The following TBC1D12 variants were observed in gnomAD, a reference collection of about 807,000 sequenced individuals.
TBC1D12 encodes the protein TBC1 domain family, member 12.
A neutral mutation model predicts 86.7 loss-of-function variants in TBC1D12; 56 were observed. The ratio of observed to expected loss-of-function variants is 0.65; its 90% CI spans 0.52 to 0.81. The LOEUF (loss-of-function observed/expected upper bound fraction) is 0.81. TBC1D12 is among the 30% of genes least tolerant of loss of function. The pLI, the probability that TBC1D12 is intolerant of heterozygous loss-of-function variation, is 0.00. For synonymous variants in TBC1D12, 421 were observed against 411.7 expected (o/e 1.02, Z -0.27); for missense variants, 1,023 against 1,038.8 (o/e 0.98, Z 0.21).
chr10:94,507,699 T>C (rs2134201118), intron 7 of TBC1D12, among the ~76,000 whole-genome samples: 1 of 152,166 alleles, frequency 6.6e-6, no homozygotes, highest in South Asian at 2.1e-4. Flanking sequence ...CAATAATAAA[T>C]GGTGAGGCTG....
intron 4 of TBC1D12, among the ~76,000 whole-genome samples, chr10:94,494,350 G>A (rs1323270567): frequency 6.6e-6 from 1 of 152,114 alleles, no homozygotes; most frequent in East Asian, 1.9e-4. Context: ...TTAATGGACT[G>A]TTATAATAGT....
intron 3 of TBC1D12, among the ~76,000 whole-genome samples, chr10:94,488,868 C>T (rs985464811): frequency 2.6e-5 from 4 of 152,042 alleles, no homozygotes; most frequent in Non-Finnish European, 5.9e-5. Flanking sequence ...GAGCTGGTAT[C>T]TAAGATGCAA....
intron 1 of TBC1D12, among the ~76,000 whole-genome samples, chr10:94,440,841 A>G (rs1234433045): frequency 6.6e-6 from 1 of 152,152 alleles, no homozygotes; most frequent in African/African-American, 2.4e-5. Flanking sequence ...TTGGTTGGTT[A>G]GGGCATGGAG....
At chr10:94,510,264 A>T in intron 8 of TBC1D12, 85 bp downstream of exon 8, 2 of 965,442 alleles carry the variant, frequency 2.1e-6, no homozygotes, top group Non-Finnish European at 3.0e-6. Flanking sequence ...AATAGCTATT[A>T]CTTTAAAAAA....
At chr10:94,423,595 G>T (rs192345891) in intron 1 of TBC1D12, among the ~76,000 whole-genome samples, 1 of 151,964 alleles carries the variant, frequency 6.6e-6, no homozygotes, top group Non-Finnish European at 1.5e-5. Context: ...TGGTCTGCCT[G>T]CCTCAGCCTC....
chr10:94,418,123 C>T (rs1038194394), intron 1 of TBC1D12, among the ~76,000 whole-genome samples: 9 of 152,108 alleles, frequency 5.9e-5, no homozygotes, highest in Admixed American at 2.6e-4. Context: ...CATTTTTTTA[C>T]CTCTGTGTAG....
At chr10:94,417,913 T>A (rs983493298) in intron 1 of TBC1D12, among the ~76,000 whole-genome samples, 33 of 152,146 alleles carry the variant, frequency 2.2e-4, no homozygotes, top group Non-Finnish European at 2.2e-4. Context: ...CACGGCTGCC[T>A]AATTATTTTT....
intron 2 of TBC1D12, among the ~76,000 whole-genome samples, chr10:94,474,345 A>G (rs1488259320): frequency 2.6e-5 from 4 of 152,202 alleles, no homozygotes; most frequent in South Asian, 4.2e-4. Context: ...AAACAAAAAA[A>G]AAAACAACTT....
chr10:94,521,358 T>C (rs1158799118), intron 9 of TBC1D12, among the ~76,000 whole-genome samples: 1 of 152,108 alleles, frequency 6.6e-6, no homozygotes, highest in East Asian at 1.9e-4. Context: ...CATCCTACCT[T>C]CTCTAAATGC....
chr10:94,511,756 A>G (rs957930923), intron 9 of TBC1D12, 102 bp downstream of exon 9: 3 of 826,846 alleles, frequency 3.6e-6, no homozygotes, highest in African/African-American at 1.7e-5. Context: ...CTGTATTTCT[A>G]TGTCTGTTTT....
intron 11 of TBC1D12, among the ~76,000 whole-genome samples, chr10:94,525,498 G>C (rs1842264315): frequency 6.6e-6 from 1 of 151,592 alleles, no homozygotes; most frequent in African/African-American, 2.4e-5. Flanking sequence ...CAGCCACTCG[G>C]GAGGCTGAGG....
chr10:94,498,683 T>A lies in TBC1D12; in HGVS notation c.1412+1511T>A, dbSNP rs759374621. On this transcript the variant is annotated intron_variant, in intron 5 of 12. Transcript: ENST00000225235. ...ATTGGCCAGGCTAGTCTCAAACTCCTGGCCTCAAGTGATCAGCCTGCCTTG... is the reference window on the plus strand; with the variant it reads ...ATTGGCCAGGCTAGTCTCAAACTCCAGGCCTCAAGTGATCAGCCTGCCTTG... 2.6e-5 allele frequency among the ~76,000 whole-genome samples: 4 copies of A among 152,298 alleles called. No individual in the cohort carries two copies. The East Asian group carries it at 7.7e-4, about 29-fold the overall frequency.
At position 94,507,253 on chromosome 10, in the gene TBC1D12, C is replaced by A; in HGVS notation, c.1520-14C>A. 6.3e-7 allele frequency: 1 copy of A among 1,597,828 alleles called. No individual in the cohort carries two copies. Among genetic ancestry groups the A allele is most frequent in the African/African-American group, 1.4e-5 (1 of 73,732 alleles). ...CTATTATTCATACATTTTTGTTCTC[C>A]CCCCAACCCCCAGAACTTTATGAAA... On this transcript the variant is annotated splice_polypyrimidine_tract_variant and intron_variant, in intron 6 of 12. Transcript: ENST00000225235.
At position 94,465,783 on chromosome 10, in the gene TBC1D12, C is replaced by CAT. The variant is rs1271321195; in HGVS notation, c.1096-8883_1096-8882dup. Among the ~76,000 whole-genome samples, 3 of 149,154 alleles carry CAT rather than the reference C, an allele frequency of 2.0e-5. No homozygotes were observed. In the East Asian group the frequency reaches 5.9e-4, roughly 29 times the overall value. On this transcript the variant is annotated intron_variant, in intron 2 of 12. Transcript: ENST00000225235. ...ACATACATACGTATACGCATACATA[C>CAT]ATACATATACGCATACATACATATA...
rs896598165 is a variant in TBC1D12 at position 94,535,241 on chromosome 10, C to T, written c.*2145C>T. ...TCTGATTGACAGAGATCTCTGATCT[C>T]TAATGACATATTGCTATTGTCCTAT... On this transcript the variant is annotated 3_prime_UTR_variant, in exon 13 of 13. Coordinates refer to ENST00000225235, the MANE Select transcript of TBC1D12 (RefSeq NM_015188.2). 6.6e-6 allele frequency: 1 copy of T among 152,122 alleles called. No individual in the cohort carries two copies. The highest frequency in any genetic ancestry group is 6.6e-5 in the Admixed American group (1 of 15,266). The allele number at this position is 152,122 out of a possible 1,614,324, so 9.4% of individuals were successfully genotyped here. A position where few individuals can be genotyped will look rare whatever the true frequency, so the allele number is the denominator to read the frequency against.
chr10:94,500,255 C>A lies in TBC1D12; in HGVS notation c.1447C>A (p.Gln483Lys). 1.9e-6 allele frequency: 3 copies of A among 1,613,978 alleles called. No individual in the cohort carries two copies. In the East Asian group the frequency reaches 6.7e-5, roughly 36 times the overall value. Residue 483 changes from glutamine (Q) to lysine (K), a missense_variant, in exon 6 of 13, where the codon CAG (glutamine) becomes AAG (lysine). Gln to Lys is a moderately conservative substitution (Grantham distance 53). Coordinates refer to ENST00000225235, the MANE Select transcript of TBC1D12 (RefSeq NM_015188.2). ...STRRVRELWW[Q>K]GLPPSVRGKV... ...AAGAAGAGTTCGAGAATTGTGGTGG[C>A]AGGGATTGCCCCCTAGTGTCCGTGG...
At chr10:94,468,871 A>G (rs925240622) in intron 2 of TBC1D12, among the ~76,000 whole-genome samples, 1 of 151,740 alleles carries the variant, frequency 6.6e-6, no homozygotes, top group Non-Finnish European at 1.5e-5. Context: ...TTAATTTTGG[A>G]TAGTTTCTGT....
At chr10:94,453,802 G>A (rs942225398) in intron 2 of TBC1D12, among the ~76,000 whole-genome samples, 4 of 152,188 alleles carry the variant, frequency 2.6e-5, no homozygotes, top group African/African-American at 9.6e-5. Context: ...TGGATGTAAG[G>A]TCTGTATGTA....
intron 3 of TBC1D12, among the ~76,000 whole-genome samples, chr10:94,484,980 C>A (rs1564970912): frequency 6.6e-6 from 1 of 152,148 alleles, no homozygotes. Context: ...ATTTGTTTAT[C>A]ATTTTTAATA....
Sources: allele counts gnomAD v4.1 joint callset (sites outside exome capture counted in the v4.1 genomes callset), GRCh38; gene constraint gnomAD v4.1.1; transcripts MANE v1.5; gene names NCBI Gene and HGNC (gene_info 2026-07-23, HGNC 2026-07-21).